NAA11: variants seen among roughly 807,000 people sequenced by gnomAD.
NAA11 encodes N-alpha-acetyltransferase 11.
Under a neutral mutation model 16.1 loss-of-function variants are expected in NAA11, and 15 were observed. The ratio of observed to expected loss-of-function variants is 0.93; its 90% CI spans 0.62 to 1.44. NAA11 has a LOEUF of 1.44. Ranked by LOEUF, NAA11 falls within the 40% of genes most tolerant of loss-of-function variation. The probability of loss-of-function intolerance (pLI) is 0.00; values close to 1 mark genes in which losing one functional copy is unlikely to be tolerated. For missense variants in NAA11, 298 were observed against 291.3 expected (o/e 1.02, Z -0.17); for synonymous variants, 122 against 112.4 (o/e 1.09, Z -0.54).
At chr4:79,305,612 T>C (rs543449544) in intron 1 of NAA11, among the ~76,000 whole-genome samples, 89 of 152,262 alleles carry the variant, frequency 5.8e-4, no homozygotes, top group African/African-American at 2.1e-3. Context: ...TCTCATTTGA[T>C]AGGAAGCAGT....
exon 3 of NAA11, chr4:79,225,948 A>G (rs927525849): frequency 9.2e-5 from 14 of 152,030 alleles, no homozygotes; most frequent in Non-Finnish European, 1.5e-4. Flanking sequence ...GCCCTTTTCA[A>G]TGGTTTGCCC....
intron 1 of NAA11, among the ~76,000 whole-genome samples, chr4:79,298,166 G>T (rs1320286203): frequency 6.6e-6 from 1 of 152,148 alleles, no homozygotes; most frequent in Non-Finnish European, 1.5e-5. Flanking sequence ...CTGCAGAAAG[G>T]AGCTGCCCCC....
At chr4:79,181,926 G>A in the NAA11 span, among the ~76,000 whole-genome samples, 1 of 152,112 alleles carries the variant, frequency 6.6e-6, no homozygotes, top group East Asian at 1.9e-4. Flanking sequence ...TCCAGATAAA[G>A]CATCTGAATG....
At chr4:79,204,398 C>A in the NAA11 span, among the ~76,000 whole-genome samples, 1 of 151,792 alleles carries the variant, frequency 6.6e-6, no homozygotes, top group Non-Finnish European at 1.5e-5. Context: ...CAGGTTACTA[C>A]ACAGTATATG....
chr4:79,272,694 CAG>C (rs1448733534), intron 2 of NAA11, among the ~76,000 whole-genome samples: 13 of 151,906 alleles, frequency 8.6e-5, no homozygotes, highest in African/African-American at 2.9e-4. Context: ...AAGAAATTAA[CAG>C]GGGTTCATAG....
At chr4:79,313,103 T>C (rs1723826750), downstream of NAA11, among the ~76,000 whole-genome samples, 2 of 152,104 alleles carry the variant, frequency 1.3e-5, no homozygotes, top group Non-Finnish European at 2.9e-5. Context: ...TGTTTGATAA[T>C]ACATTCTCTG....
chr4:79,237,920 C>T (rs1721606394), intron 2 of NAA11, among the ~76,000 whole-genome samples: 1 of 151,842 alleles, frequency 6.6e-6, no homozygotes, highest in South Asian at 2.1e-4. Context: ...AGATTAGAAG[C>T]TATATTGCTA....
chr4:79,178,332 A>G, the NAA11 span, among the ~76,000 whole-genome samples: 2 of 152,352 alleles, frequency 1.3e-5, no homozygotes, highest in Non-Finnish European at 2.9e-5. Flanking sequence ...AAAACATATT[A>G]TGATACAGAC....
At chr4:79,157,093 G>GT in the NAA11 span, among the ~76,000 whole-genome samples, 1 of 151,948 alleles carries the variant, frequency 6.6e-6, no homozygotes, top group African/African-American at 2.4e-5. Flanking sequence ...CCATTTTATT[G>GT]TTTTTTATTT....
intron 1 of NAA11, among the ~76,000 whole-genome samples, chr4:79,322,117 G>A (rs1282933221): frequency 1.3e-5 from 2 of 152,170 alleles, no homozygotes; most frequent in Non-Finnish European, 2.9e-5. Context: ...AGAGCAGTTA[G>A]CCTGTGCAGA....
intron 2 of NAA11, among the ~76,000 whole-genome samples, chr4:79,290,701 C>T (rs546444733): frequency 1.3e-5 from 2 of 152,204 alleles, no homozygotes; most frequent in Admixed American, 1.3e-4. Flanking sequence ...AGTCTCAGAT[C>T]CCATATGGTA....
downstream of NAA11, among the ~76,000 whole-genome samples, chr4:79,312,512 G>A (rs1160417808): frequency 1.3e-5 from 2 of 151,922 alleles, no homozygotes; most frequent in Admixed American, 6.6e-5. Flanking sequence ...TTAGCCAGGC[G>A]TCGTGGCACA....
the NAA11 span, among the ~76,000 whole-genome samples, chr4:79,165,355 C>T: frequency 6.6e-6 from 1 of 152,196 alleles, no homozygotes; most frequent in Non-Finnish European, 1.5e-5. Flanking sequence ...TCCTCCCATC[C>T]CCTCCACTCT....
chr4:79,236,994 C>G (rs1714618025), intron 2 of NAA11, among the ~76,000 whole-genome samples: 1 of 152,182 alleles, frequency 6.6e-6, no homozygotes, highest in African/African-American at 2.4e-5. Flanking sequence ...TTTCAAAGGT[C>G]TTTTCTTCAG....
chr4:79,210,505 C>G, the NAA11 span, among the ~76,000 whole-genome samples: 3 of 151,964 alleles, frequency 2.0e-5, no homozygotes, highest in African/African-American at 7.3e-5. Flanking sequence ...ATGGCTTCAC[C>G]ACGGCATAGC....
At chr4:79,171,286 A>T in the NAA11 span, among the ~76,000 whole-genome samples, 5 of 152,128 alleles carry the variant, frequency 3.3e-5, no homozygotes, top group African/African-American at 7.2e-5. Context: ...ATATTGCAGG[A>T]GTTGGCTCTT....
chr4:79,285,128 T>C (rs2109988841), intron 2 of NAA11, among the ~76,000 whole-genome samples: 1 of 152,250 alleles, frequency 6.6e-6, no homozygotes, highest in African/African-American at 2.4e-5. Flanking sequence ...CCTGTCAGCA[T>C]GTGAAACAAC....
At chr4:79,304,526 T>C (rs1213894804) in intron 1 of NAA11, among the ~76,000 whole-genome samples, 1 of 152,218 alleles carries the variant, frequency 6.6e-6, no homozygotes, top group Non-Finnish European at 1.5e-5. Flanking sequence ...AGTTCTATAT[T>C]TCGGCAAGAA....
the NAA11 span, among the ~76,000 whole-genome samples, chr4:79,206,731 A>G: frequency 6.6e-6 from 1 of 152,134 alleles, no homozygotes; most frequent in Admixed American, 6.6e-5. Flanking sequence ...GTTCCAACCA[A>G]GGGAAATCGG....
Sources: allele counts gnomAD v4.1 joint callset (sites outside exome capture counted in the v4.1 genomes callset), GRCh38; gene constraint gnomAD v4.1.1; transcripts MANE v1.5; gene names NCBI Gene and HGNC (gene_info 2026-07-23, HGNC 2026-07-21).